The following LRRC7 variants were observed in gnomAD, a reference collection of about 807,000 sequenced individuals.
LRRC7 encodes leucine rich repeat containing 7, also known as leucine-rich repeat-containing protein 7.
In LRRC7, 23 loss-of-function variants were observed where a neutral mutation model predicts 175.7. The ratio of observed to expected loss-of-function variants is 0.13; its 90% CI spans 0.09 to 0.19. The LOEUF (loss-of-function observed/expected upper bound fraction) is 0.19. LRRC7 is among the 10% of genes least tolerant of loss of function. The pLI, the probability that LRRC7 is intolerant of heterozygous loss-of-function variation, is 1.00. For synonymous variants in LRRC7, 685 were observed against 680.9 expected (o/e 1.01, Z -0.09); for missense variants, 1,354 against 1,904.7 (o/e 0.71, Z 5.38).
At chr1:69,934,641 T>G (rs1647796466) in intron 8 of LRRC7, among the ~76,000 whole-genome samples, 1 of 152,128 alleles carries the variant, frequency 6.6e-6, no homozygotes, top group Non-Finnish European at 1.5e-5. Context: ...TCTCATCCTA[T>G]ATATAACCAT....
chr1:69,692,398 TC>T (rs1662001535), intron 2 of LRRC7, among the ~76,000 whole-genome samples: 1 of 152,208 alleles, frequency 6.6e-6, no homozygotes, highest in African/African-American at 2.4e-5. Flanking sequence ...CTTCTAATGT[TC>T]CCTAAAGTCT....
chr1:70,128,802 C>T lies in LRRC7; in HGVS notation c.*6915C>T, dbSNP rs2102262915. 1 of 152,262 alleles carries T rather than the reference C, an allele frequency of 6.6e-6. No individual in the cohort carries two copies. The highest frequency in any genetic ancestry group is 1.9e-4 in the East Asian group (1 of 5,192). The allele number at this position is 152,262 out of a possible 1,614,324, so 9.4% of individuals were successfully genotyped here. Reference sequence around the variant, plus strand: ...GACAGTACAAGGCAATGTGGTGAGTCCCTTTATTCCTGCCCTCAACCATCC... The same window carrying T: ...GACAGTACAAGGCAATGTGGTGAGTTCCTTTATTCCTGCCCTCAACCATCC... On this transcript the variant is annotated 3_prime_UTR_variant, in exon 27 of 27. Transcript: ENST00000651989.
chr1:69,915,542 A>G (rs1311823516), intron 7 of LRRC7, among the ~76,000 whole-genome samples: 1 of 152,174 alleles, frequency 6.6e-6, no homozygotes, highest in Non-Finnish European at 1.5e-5. Flanking sequence ...AACAGGAAGT[A>G]GTTTAAACTA....
At chr1:70,009,489 G>A (rs1656300713) in intron 11 of LRRC7, among the ~76,000 whole-genome samples, 1 of 151,352 alleles carries the variant, frequency 6.6e-6, no homozygotes, top group African/African-American at 2.4e-5. Context: ...AACCATCCCT[G>A]CAAATGAGGG....
intron 7 of LRRC7, among the ~76,000 whole-genome samples, chr1:69,922,917 C>T (rs1038988244): frequency 6.6e-6 from 1 of 151,744 alleles, no homozygotes; most frequent in African/African-American, 2.4e-5. Flanking sequence ...CCCATTAACT[C>T]GTCATTTAGC....
At chr1:70,040,778 C>T (rs1263748076) in intron 21 of LRRC7, among the ~76,000 whole-genome samples, 2 of 152,046 alleles carry the variant, frequency 1.3e-5, no homozygotes, top group African/African-American at 4.8e-5. Flanking sequence ...CACACCACTG[C>T]CCTCCAGCCT....
chr1:70,118,560 G>A (rs938527344), intron 26 of LRRC7, among the ~76,000 whole-genome samples: 10 of 152,166 alleles, frequency 6.6e-5, no homozygotes, highest in Admixed American at 6.5e-4. Context: ...CATGTCCAGT[G>A]AAATGTCAGC....
chr1:69,753,551 T>A (rs1478696657), intron 2 of LRRC7, among the ~76,000 whole-genome samples: 1 of 152,034 alleles, frequency 6.6e-6, no homozygotes. Flanking sequence ...AAATAATATA[T>A]GATCTATTTC....
At chr1:69,684,287 T>A (rs1660848221) in intron 2 of LRRC7, among the ~76,000 whole-genome samples, 1 of 151,982 alleles carries the variant, frequency 6.6e-6, no homozygotes, top group Admixed American at 6.6e-5. Context: ...TGAATGAGAA[T>A]GAGTGAAGGA....
intron 25 of LRRC7, among the ~76,000 whole-genome samples, chr1:70,104,958 A>G (rs1053360848): frequency 6.6e-6 from 1 of 152,174 alleles, no homozygotes; most frequent in Non-Finnish European, 1.5e-5. Context: ...GCTGAGATAA[A>G]ATAATAGCCA....
In LRRC7 at chr1:69,784,081, A is replaced by G. The variant is rs768872943; in HGVS notation, c.304-7962A>G. On this transcript the variant is annotated intron_variant, in intron 3 of 26. Coordinates refer to ENST00000651989, the MANE Select transcript of LRRC7 (RefSeq NM_001370785.2). ...GAAAGTGAATGAATACATTTTATAC[A>G]TTAACATTGAATACTATTAATAACA... Among the ~76,000 whole-genome samples the G allele has an allele frequency of 1.2e-3, 182 of 152,346 alleles. 1 individual carries two copies. The highest frequency in any genetic ancestry group is 2.1e-3 in the Non-Finnish European group (141 of 68,036).
intron 7 of LRRC7, among the ~76,000 whole-genome samples, chr1:69,853,920 G>A (rs1258519822): frequency 6.6e-6 from 1 of 152,090 alleles, no homozygotes; most frequent in Non-Finnish European, 1.5e-5. Context: ...AAGCCTGGCA[G>A]ATATTTCACT....
At chr1:69,678,347 A>G (rs1239004925) in intron 1 of LRRC7, 34 bp from the exon 2 acceptor site, 7 of 1,403,290 alleles carry the variant, frequency 5.0e-6, no homozygotes, top group Non-Finnish European at 6.9e-6. Flanking sequence ...CAAAAAAAAG[A>G]GTATGAAAAT....
At chr1:69,656,921 A>T (rs1656678128) in intron 1 of LRRC7, among the ~76,000 whole-genome samples, 1 of 151,898 alleles carries the variant, frequency 6.6e-6, no homozygotes, top group African/African-American at 2.4e-5. Flanking sequence ...AACTACCATA[A>T]TCCCTTATTA....
chr1:69,939,195 G>GA (rs1157872736), intron 8 of LRRC7, among the ~76,000 whole-genome samples: 2 of 151,706 alleles, frequency 1.3e-5, no homozygotes, highest in East Asian at 3.9e-4. Flanking sequence ...ATTTAACAAA[G>GA]AAAGTTTAAT....
chr1:69,634,291 G>T (rs1652979475), intron 1 of LRRC7, among the ~76,000 whole-genome samples: 1 of 152,060 alleles, frequency 6.6e-6, no homozygotes, highest in Non-Finnish European at 1.5e-5. Flanking sequence ...TAAGTAGTCT[G>T]GCTCTAGAGC....
At chr1:70,112,868 G>T (rs983829971) in intron 26 of LRRC7, among the ~76,000 whole-genome samples, 4 of 152,126 alleles carry the variant, frequency 2.6e-5, no homozygotes, top group African/African-American at 9.7e-5. Context: ...GGGGTAAGAG[G>T]TTTATGCTAG....
intron 11 of LRRC7, among the ~76,000 whole-genome samples, chr1:69,995,464 A>C (rs1432738877): frequency 2.6e-5 from 4 of 151,978 alleles, no homozygotes; most frequent in African/African-American, 9.7e-5. Flanking sequence ...CAGGTTAGTT[A>C]CATATGTATA....
intron 1 of LRRC7, among the ~76,000 whole-genome samples, chr1:69,642,471 A>G (rs1253501424): frequency 6.6e-6 from 1 of 152,072 alleles, no homozygotes; most frequent in Non-Finnish European, 1.5e-5. Context: ...AAGGAGATCT[A>G]TTATAGTAAA....
Sources: gnomAD v4.1 joint callset for allele counts (sites outside exome capture counted in the v4.1 genomes callset) on GRCh38, gnomAD v4.1.1 for gene constraint, MANE v1.5 for transcripts, NCBI Gene and HGNC (gene_info 2026-07-23, HGNC 2026-07-21) for gene names.